Variants in GABBR2 observed in about 807,000 individuals in gnomAD.
GABBR2 encodes gamma-aminobutyric acid type B receptor subunit 2, also known as G-protein coupled receptor 51.
GABBR2 carries 23 observed loss-of-function variants against 105.6 expected under a neutral mutation model. The observed-to-expected ratio is 0.22, with a 90% CI of 0.16 to 0.31. The LOEUF is 0.31. Among genes scored for constraint, GABBR2 ranks in the 10% least tolerant of loss-of-function variants. The pLI, the probability that GABBR2 is intolerant of heterozygous loss-of-function variation, is 1.00. For missense variants in GABBR2, 734 were observed against 1,245.5 expected (o/e 0.59, Z 6.18); for synonymous variants, 478 against 499.7 (o/e 0.96, Z 0.58).
At chr9:98,619,870 T>C (rs1177453008) in intron 1 of GABBR2, among the ~76,000 whole-genome samples, 1 of 151,892 alleles carries the variant, frequency 6.6e-6, no homozygotes, top group African/African-American at 2.4e-5. Flanking sequence ...GAAAGGAGGG[T>C]TCATCTGTGG....
intron 3 of GABBR2, among the ~76,000 whole-genome samples, chr9:98,520,416 G>A (rs955558956): frequency 7.9e-5 from 12 of 152,334 alleles, no homozygotes; most frequent in Admixed American, 2.0e-4. Context: ...CACCACCCCC[G>A]GAAGGAGCAG....
At chr9:98,374,368 C>G (rs1564037128) in intron 11 of GABBR2, among the ~76,000 whole-genome samples, 1 of 152,166 alleles carries the variant, frequency 6.6e-6, no homozygotes, top group Non-Finnish European at 1.5e-5. Context: ...CTGAGGATGC[C>G]TGGGCAGAAA....
intron 1 of GABBR2, among the ~76,000 whole-genome samples, chr9:98,696,482 G>T (rs1830753892): frequency 6.6e-6 from 1 of 152,172 alleles, no homozygotes; most frequent in Non-Finnish European, 1.5e-5. Context: ...TGGGTCAGTG[G>T]TCTTAATTGT....
intron 9 of GABBR2, among the ~76,000 whole-genome samples, chr9:98,393,852 T>C (rs1356335652): frequency 6.6e-6 from 1 of 152,218 alleles, no homozygotes. Flanking sequence ...ACAGGCCTTA[T>C]TTCCAACCCA....
At chr9:98,303,121 C>T in intron 16 of GABBR2, 120 bp downstream of exon 16, 1 of 715,076 alleles carries the variant, frequency 1.4e-6, no homozygotes. Context: ...GCAACTGCAG[C>T]TGATGAGACT....
intron 16 of GABBR2, 37 bp downstream of exon 16, chr9:98,303,204 C>A: frequency 6.3e-7 from 1 of 1,578,530 alleles, no homozygotes; most frequent in South Asian, 1.1e-5. Context: ...GCTTCAGTGG[C>A]AGACAGGGCC....
chr9:98,634,001 C>A (rs1829848268), intron 1 of GABBR2, among the ~76,000 whole-genome samples: 2 of 152,304 alleles, frequency 1.3e-5, no homozygotes, highest in South Asian at 4.2e-4. Flanking sequence ...CCTGAGAGAG[C>A]ACAGAGGTGA....
At chr9:98,663,232 GACCA>G (rs1427184047) in intron 1 of GABBR2, among the ~76,000 whole-genome samples, 2 of 129,710 alleles carry the variant, frequency 1.5e-5, no homozygotes, top group Non-Finnish European at 3.2e-5. Context: ...AAGGCCAGGA[GACCA>G]TGCGGGGACA....
chr9:98,585,592 G>A (rs1030192568), intron 1 of GABBR2, among the ~76,000 whole-genome samples: 14 of 151,760 alleles, frequency 9.2e-5, no homozygotes, highest in African/African-American at 3.4e-4. Flanking sequence ...GTATACATAT[G>A]TAACAAACCT....
intron 2 of GABBR2, among the ~76,000 whole-genome samples, chr9:98,573,422 A>G (rs1410690129): frequency 6.6e-6 from 1 of 152,116 alleles, no homozygotes; most frequent in African/African-American, 2.4e-5. Context: ...TCCTGGGACC[A>G]CAGGAGTGTG....
chr9:98,701,066 T>C (rs190557905), intron 1 of GABBR2, among the ~76,000 whole-genome samples: 3 of 152,330 alleles, frequency 2.0e-5, no homozygotes, highest in Admixed American at 2.0e-4. Flanking sequence ...ACTATCCATT[T>C]AGTACCCCTG....
At chr9:98,702,154 G>C (rs943081062) in intron 1 of GABBR2, among the ~76,000 whole-genome samples, 1 of 152,082 alleles carries the variant, frequency 6.6e-6, no homozygotes, top group Non-Finnish European at 1.5e-5. Context: ...CAGGTCTCCT[G>C]ACCCTAGGGC....
chr9:98,422,835 C>T (rs1455728114), intron 7 of GABBR2, among the ~76,000 whole-genome samples: 2 of 143,042 alleles, frequency 1.4e-5, no homozygotes, highest in Non-Finnish European at 3.0e-5. Context: ...CTGTTCAATT[C>T]CCATCTATGA....
intron 3 of GABBR2, among the ~76,000 whole-genome samples, chr9:98,514,226 G>A (rs2131701725): frequency 7.5e-6 from 1 of 133,160 alleles, no homozygotes; most frequent in Admixed American, 7.4e-5. Flanking sequence ...GACACAGGAA[G>A]GGGAATATCA....
In GABBR2 at chr9:98,708,430, A is replaced by G; in HGVS notation, c.308T>C (p.Leu103Pro). The change falls in exon 1 of 19, where the codon CTC becomes CCC. Residue 103 changes from leucine to proline, a missense_variant. By Grantham distance (98) the Leu-to-Pro change is moderately conservative (BLOSUM62 -3). Coordinates refer to ENST00000259455, the MANE Select transcript of GABBR2 (RefSeq NM_005458.8). ...CCGGACACTCACCTCCGTGTCATAG[A>G]GCCGCAGGTCGAGGAAGTAGGGGCG... ...LLRPYFLDLRLYDTECDNAKG... is the reference protein window; with the variant it reads ...LLRPYFLDLRPYDTECDNAKG... The G allele has an allele frequency of 6.6e-7, 1 of 1,519,412 alleles. No individual in the cohort carries two copies. Among genetic ancestry groups the G allele is most frequent in the African/African-American group, 1.4e-5 (1 of 72,416 alleles). 94.1% of individuals were successfully genotyped at this position (1,519,412 alleles called of 1,614,324 possible).
intron 1 of GABBR2, among the ~76,000 whole-genome samples, chr9:98,598,691 G>GGA (rs752270184): frequency 5.9e-5 from 9 of 152,112 alleles, no homozygotes; most frequent in Non-Finnish European, 1.2e-4. Flanking sequence ...CACCCAACCA[G>GGA]GGGTGCGCAC....
At chr9:98,538,722 T>C (rs1828230659) in intron 3 of GABBR2, 1 of 268,360 alleles carries the variant, frequency 3.7e-6, no homozygotes, top group African/African-American at 2.3e-5. Flanking sequence ...TTCCTTCCAG[T>C]GCACCAGTCC....
chr9:98,323,862 C>T (rs1830869223), intron 13 of GABBR2, among the ~76,000 whole-genome samples: 1 of 152,226 alleles, frequency 6.6e-6, no homozygotes, highest in Non-Finnish European at 1.5e-5. Context: ...GGTGACAGAA[C>T]TAGAGTGCGA....
intron 4 of GABBR2, among the ~76,000 whole-genome samples, chr9:98,488,040 T>C (rs993947346): frequency 6.6e-6 from 1 of 152,130 alleles, no homozygotes; most frequent in Non-Finnish European, 1.5e-5. Flanking sequence ...CCACTGACTA[T>C]GGCTCACTTT....
Sources: allele counts gnomAD v4.1 joint callset (sites outside exome capture counted in the v4.1 genomes callset), GRCh38; gene constraint gnomAD v4.1.1; transcripts MANE v1.5; gene names NCBI Gene and HGNC (gene_info 2026-07-23, HGNC 2026-07-21).